The following GSE1 variants were observed in gnomAD, a reference collection of about 807,000 sequenced individuals.
GSE1 encodes the protein Gse1 coiled-coil protein.
In GSE1, 32 loss-of-function variants were observed where a neutral mutation model predicts 112.6. The ratio of observed to expected loss-of-function variants is 0.28; its 90% CI spans 0.21 to 0.38. GSE1 has a LOEUF of 0.38. GSE1 is among the 10% of genes least tolerant of loss of function. The pLI is 1.00. For missense variants in GSE1, 2,348 were observed against 1,699.2 expected (o/e 1.38, Z -6.71); for synonymous variants, 1,115 against 735.6 (o/e 1.52, Z -8.35).
intron 1 of GSE1, among the ~76,000 whole-genome samples, chr16:85,207,078 T>C (rs1443746538): frequency 6.6e-6 from 1 of 152,178 alleles, no homozygotes; most frequent in Non-Finnish European, 1.5e-5. Flanking sequence ...GGGCTCTTGG[T>C]GATGGGGACA....
chr16:85,444,715 T>C (rs1234695217), intron 2 of GSE1, among the ~76,000 whole-genome samples: 1 of 152,084 alleles, frequency 6.6e-6, no homozygotes, highest in East Asian at 1.9e-4. Context: ...TCCGTGTTGC[T>C]AGAAAAGCTG....
chr16:85,642,357 G>T (rs1208551666), intron 2 of GSE1, among the ~76,000 whole-genome samples: 2 of 152,342 alleles, frequency 1.3e-5, no homozygotes, highest in South Asian at 4.1e-4. Flanking sequence ...ACTAACTTGG[G>T]GACAGAACTG....
intron 1 of GSE1, among the ~76,000 whole-genome samples, chr16:85,236,374 C>G (rs1904663456): frequency 1.3e-5 from 2 of 152,222 alleles, no homozygotes; most frequent in South Asian, 2.1e-4. Context: ...TCACATCCCC[C>G]AAGTTGCATG....
At chr16:85,597,199 G>A (rs901698903) in intron 1 of GSE1, among the ~76,000 whole-genome samples, 32 of 151,068 alleles carry the variant, frequency 2.1e-4, no homozygotes, top group Non-Finnish European at 3.7e-4. Context: ...GGCTGGTCTC[G>A]AACTCCTGAC....
chr16:85,199,494 A>C (rs1157697008), intron 1 of GSE1, among the ~76,000 whole-genome samples: 1 of 152,202 alleles, frequency 6.6e-6, no homozygotes, highest in African/African-American at 2.4e-5. Flanking sequence ...CCTCTCCAAG[A>C]ATACAAACCA....
In GSE1 at chr16:85,668,235, C is replaced by G. The variant is rs1391817589; in HGVS notation, c.3226C>G (p.Pro1076Ala). ...GCTGCAGTCCTCCAGCCGCGCCCCT[C>G]CACCCCAGCACAATGGGCAGCAGGA... ...PELQSSSRAP[P>A]PQHNGQQEPP... Residue 1076 changes from proline (P) to alanine (A), a missense_variant, in exon 14 of 16, where the codon CCA (proline) becomes GCA (alanine). Transcript: ENST00000253458. 2.5e-6 allele frequency: 4 copies of G among 1,609,624 alleles called. No individual in the cohort carries two copies. In the African/African-American group the frequency reaches 4.0e-5, roughly 16 times the overall value.
At chr16:85,654,770 C>G (rs1316563747) in intron 4 of GSE1, 24 bp from the exon 5 acceptor site, 4 of 1,549,794 alleles carry the variant, frequency 2.6e-6, no homozygotes, top group East Asian at 2.3e-5. Flanking sequence ...CTGTCCCCAC[C>G]TTGCCCACTA....
intron 1 of GSE1, among the ~76,000 whole-genome samples, chr16:85,309,592 C>G (rs958847811): frequency 1.3e-5 from 2 of 152,244 alleles, no homozygotes; most frequent in Non-Finnish European, 2.9e-5. Flanking sequence ...ATAGCGTCCT[C>G]GAGGCACGTG....
intron 2 of GSE1, among the ~76,000 whole-genome samples, chr16:85,388,350 G>A (rs62648811): frequency 0.96 from 32,364 of 33,674 alleles, 15,593 homozygotes; most frequent in South Asian, 0.97. Context: ...ATGGCTGGAT[G>A]GATGGGTGAG....
intron 1 of GSE1, among the ~76,000 whole-genome samples, chr16:85,588,295 G>A (rs572840866): frequency 1.3e-5 from 2 of 152,358 alleles, no homozygotes; most frequent in East Asian, 3.9e-4. Flanking sequence ...GCTCTTGAGG[G>A]GGTCCCTGGG....
chr16:85,264,027 C>T (rs915903474), intron 1 of GSE1, among the ~76,000 whole-genome samples: 16 of 152,108 alleles, frequency 1.1e-4, no homozygotes, highest in African/African-American at 3.4e-4. Flanking sequence ...GACCTCTCTC[C>T]CCCAGTGAGG....
At chr16:85,319,024 C>T (rs753081897) in intron 1 of GSE1, among the ~76,000 whole-genome samples, 2 of 152,164 alleles carry the variant, frequency 1.3e-5, no homozygotes, top group African/African-American at 2.4e-5. Flanking sequence ...CTTTGGAAAG[C>T]GAGCATCATC....
chr16:85,201,714 A>C (rs1262879695), intron 1 of GSE1, among the ~76,000 whole-genome samples: 1 of 151,952 alleles, frequency 6.6e-6, no homozygotes, highest in African/African-American at 2.4e-5. Context: ...CACTGACTCA[A>C]GCCCTGGCTG....
At chr16:85,638,071 A>C (rs1346965661) in intron 2 of GSE1, among the ~76,000 whole-genome samples, 1 of 152,154 alleles carries the variant, frequency 6.6e-6, no homozygotes, top group Non-Finnish European at 1.5e-5. Flanking sequence ...GCCTGCGGCA[A>C]GCCTTCTCAC....
rs896610470 is a variant in GSE1 at position 85,648,767 on chromosome 16, C to T, written c.426+16C>T. ...GAGCCGGCAGGTGAGTGGGGCGGGG[C>T]AGGGAGCCTAGCGTCCTCTAAGTGG... On this transcript the variant is annotated intron_variant, in intron 3 of 15. Transcript: ENST00000253458. 3 of 1,517,244 alleles carry T rather than the reference C, an allele frequency of 2.0e-6. No homozygotes were observed. Among genetic ancestry groups the T allele is most frequent in the Non-Finnish European group, 2.7e-6 (3 of 1,119,642 alleles). The allele number at this position is 1,517,244 out of a possible 1,614,324, so 94.0% of individuals were successfully genotyped here.
At chr16:85,459,264 T>C (rs886500065) in intron 2 of GSE1, among the ~76,000 whole-genome samples, 1 of 151,972 alleles carries the variant, frequency 6.6e-6, no homozygotes, top group African/African-American at 2.4e-5. Flanking sequence ...CAGGCAGGAG[T>C]TGTGGGTGCC....
intron 2 of GSE1, among the ~76,000 whole-genome samples, chr16:85,479,166 C>T (rs1043379608): frequency 1.5e-4 from 22 of 147,826 alleles, no homozygotes; most frequent in African/African-American, 5.3e-4. Flanking sequence ...GGACTATAGG[C>T]GCCCGCCACC....
intron 1 of GSE1, among the ~76,000 whole-genome samples, chr16:85,341,755 C>A (rs1482093324): frequency 6.6e-6 from 1 of 151,348 alleles, no homozygotes; most frequent in African/African-American, 2.4e-5. Context: ...CTGCCCTGGC[C>A]CCCCAAAACA....
At chr16:85,596,790 C>T (rs1230882413) in intron 1 of GSE1, among the ~76,000 whole-genome samples, 69 of 152,214 alleles carry the variant, frequency 4.5e-4, no homozygotes, top group Non-Finnish European at 8.8e-5. Flanking sequence ...AATCCCAGCA[C>T]TTTGGGAGGC....
Sources: gnomAD v4.1 joint callset for allele counts (sites outside exome capture counted in the v4.1 genomes callset) on GRCh38, gnomAD v4.1.1 for gene constraint, MANE v1.5 for transcripts, NCBI Gene and HGNC (gene_info 2026-07-23, HGNC 2026-07-21) for gene names.